The following ARHGAP8 variants were observed in gnomAD, a reference collection of about 807,000 sequenced individuals.
ARHGAP8 encodes the protein Rho GTPase activating protein 8, also known as rho GTPase-activating protein 8.
ARHGAP8 carries 62 observed loss-of-function variants against 46.1 expected under a neutral mutation model. The observed-to-expected ratio is 1.34, with a 90% CI of 1.10 to 1.66. The LOEUF is 1.66. ARHGAP8 is among the 40% of genes most tolerant of loss of function. The pLI is 0.00. For synonymous variants in ARHGAP8, 375 were observed against 243.1 expected, an observed-to-expected ratio of 1.54 and a Z score of -5.05; for missense variants, 923 against 568.4, an observed-to-expected ratio of 1.62 and a Z score of -6.34.
intron 10 of ARHGAP8, among the ~76,000 whole-genome samples, chr22:44,854,131 T>C (rs1020451605): frequency 2.0e-5 from 3 of 151,270 alleles, no homozygotes; most frequent in Non-Finnish European, 2.9e-5. Flanking sequence ...TCTCAATATA[T>C]TTTAAGTTTC....
rs1358386977 is a variant in ARHGAP8, at chr22:44,814,662, C to T, written c.300-10C>T. 4 of 1,612,688 alleles carry T rather than the reference C, an allele frequency of 2.5e-6. No individual in the cohort carries two copies. The highest frequency in any genetic ancestry group is 3.4e-6 in the Non-Finnish European group (4 of 1,179,436). On this transcript the variant is annotated splice_polypyrimidine_tract_variant and intron_variant, in intron 4 of 11. Transcript: ENST00000356099. ...GGCAGCCTGAAGTCATCCCCCGTTT[C>T]CCTCCTCAGGTACAAGAAGAACTTG...
At chr22:44,812,048 C>T (rs16991947) in intron 4 of ARHGAP8, among the ~76,000 whole-genome samples, 3,536 of 152,056 alleles carry the variant, frequency 0.023, 130 homozygotes, top group African/African-American at 0.081. Flanking sequence ...CGGCCATTGC[C>T]ACACCCCATC....
At chr22:44,810,033 C>T (rs868454189) in intron 4 of ARHGAP8, among the ~76,000 whole-genome samples, 8 of 152,126 alleles carry the variant, frequency 5.3e-5, no homozygotes, top group South Asian at 2.1e-4. Flanking sequence ...CTAGCCCCAG[C>T]GCATGTCCTC....
intron 1 of ARHGAP8, among the ~76,000 whole-genome samples, chr22:44,754,371 T>TGA (rs1186326161): frequency 3.4e-5 from 5 of 146,062 alleles, no homozygotes; most frequent in African/African-American, 8.1e-5. Flanking sequence ...TGTGTGTGTG[T>TGA]GTGACGCAGT....
intron 10 of ARHGAP8, among the ~76,000 whole-genome samples, chr22:44,856,526 G>A (rs1286806597): frequency 2.6e-5 from 4 of 151,884 alleles, no homozygotes; most frequent in South Asian, 2.1e-4. Context: ...CATCCGTCTC[G>A]GCCTTCCAAA....
chr22:44,859,140 G>C (rs924323893), intron 10 of ARHGAP8, among the ~76,000 whole-genome samples: 1 of 152,186 alleles, frequency 6.6e-6, no homozygotes, highest in Non-Finnish European at 1.5e-5. Context: ...AGGTGGTGCT[G>C]CTGGCTGATA....
intron 6 of ARHGAP8, among the ~76,000 whole-genome samples, chr22:44,825,141 C>A (rs1438442400): frequency 6.6e-6 from 1 of 151,954 alleles, no homozygotes; most frequent in Non-Finnish European, 1.5e-5. Flanking sequence ...GGCCAGCTCT[C>A]GTCTTAAATT....
chr22:44,848,963 C>T lies in ARHGAP8; in HGVS notation c.780C>T (p.Asp260=), dbSNP rs1247241071. Residue 260 remains aspartate, a synonymous_variant, in exon 10 of 12, where the codon GAC becomes GAT. Transcript: ENST00000356099. ...CCGTGAACTTTGACGACTACGGGGA[C>T]ATTCACATCCCTGCCGTGATCCTGA... ...GKPVNFDDYG[D]IHIPAVILKT... 6.2e-7 allele frequency: 1 copy of T among 1,614,006 alleles called. No homozygotes were observed. Among genetic ancestry groups the T allele is most frequent in the African/African-American group, 1.3e-5 (1 of 74,910 alleles).
chr22:44,803,293 A>C (rs2147082700), intron 3 of ARHGAP8, among the ~76,000 whole-genome samples: 1 of 152,206 alleles, frequency 6.6e-6, no homozygotes, highest in Non-Finnish European at 1.5e-5. Context: ...GTAGAAAATC[A>C]AGGTTGTTGT....
intron 1 of ARHGAP8, among the ~76,000 whole-genome samples, chr22:44,759,652 G>A (rs1037891229): frequency 6.6e-6 from 1 of 152,190 alleles, no homozygotes. Context: ...CAGTGGTTCT[G>A]TCTTGAGAAA....
At chr22:44,815,840 G>C (rs1929699879) in intron 5 of ARHGAP8, among the ~76,000 whole-genome samples, 1 of 150,270 alleles carries the variant, frequency 6.7e-6, no homozygotes, top group South Asian at 2.1e-4. Flanking sequence ...TGTGCACAGA[G>C]CCACATGACG....
chr22:44,848,182 GGCA>G, intron 9 of ARHGAP8, 132 bp downstream of exon 9: 2 of 1,316,836 alleles, frequency 1.5e-6, no homozygotes, highest in Non-Finnish European at 2.1e-6. Context: ...TCAGGGTGGG[GGCA>G]GCTTCCCAGG....
At chr22:44,846,299 C>T (rs954872307) in intron 8 of ARHGAP8, among the ~76,000 whole-genome samples, 8 of 152,352 alleles carry the variant, frequency 5.3e-5, no homozygotes, top group Non-Finnish European at 1.0e-4. Context: ...GGTTGATTTC[C>T]TCTTTGGAGC....
chr22:44,792,187 T>C (rs1178399781), intron 2 of ARHGAP8, among the ~76,000 whole-genome samples: 6 of 152,026 alleles, frequency 3.9e-5, no homozygotes, highest in Non-Finnish European at 8.8e-5. Context: ...AATTTTTGTA[T>C]TTTTAGTAGA....
rs558050085 is a variant in ARHGAP8 at position 44,812,157 on chromosome 22, G to A, written c.300-2515G>A. On this transcript the variant is annotated intron_variant, in intron 4 of 11. Coordinates refer to ENST00000356099, the MANE Select transcript of ARHGAP8 (RefSeq NM_181335.3). ...CTTTTAGGGGTGAACAAATTCGCAC[G>A]CAAGTGTTCATGACCCCACTTCTGG... Among the ~76,000 whole-genome samples, 21 of 151,968 alleles carry A rather than the reference G, an allele frequency of 1.4e-4. No homozygotes were observed. The South Asian group carries it at 2.3e-3, about 17-fold the overall frequency.
At chr22:44,820,340 C>T (rs950931646) in intron 5 of ARHGAP8, among the ~76,000 whole-genome samples, 1 of 152,072 alleles carries the variant, frequency 6.6e-6, no homozygotes, top group East Asian at 1.9e-4. Context: ...GCATGGGAGG[C>T]CTCCCTGCAG....
chr22:44,837,933 G>A (rs1852546284), intron 7 of ARHGAP8, among the ~76,000 whole-genome samples: 1 of 152,060 alleles, frequency 6.6e-6, no homozygotes, highest in Admixed American at 6.5e-5. Context: ...GGTTGGGCTG[G>A]ATGATCTCAG....
intron 1 of ARHGAP8, among the ~76,000 whole-genome samples, chr22:44,782,774 C>G (rs1050416424): frequency 6.6e-6 from 1 of 152,198 alleles, no homozygotes; most frequent in Non-Finnish European, 1.5e-5. Flanking sequence ...CACCCTTTGG[C>G]TGTTGTGAGC....
chr22:44,780,318 C>T (rs890657415), intron 1 of ARHGAP8, among the ~76,000 whole-genome samples: 2 of 151,996 alleles, frequency 1.3e-5, no homozygotes, highest in African/African-American at 4.8e-5. Context: ...GATTGCGCCA[C>T]TGCACTCCAG....
Sources: allele counts gnomAD v4.1 joint callset (sites outside exome capture counted in the v4.1 genomes callset), GRCh38; gene constraint gnomAD v4.1.1; transcripts MANE v1.5; gene names NCBI Gene and HGNC (gene_info 2026-07-23, HGNC 2026-07-21).